BID: variants seen among roughly 807,000 people sequenced by gnomAD.
BID encodes BH3-interacting domain death agonist.
Under a neutral mutation model 17.4 loss-of-function variants are expected in BID, and 19 were observed. That is an observed-to-expected ratio of 1.09 (90% CI 0.76 to 1.60). BID has a LOEUF of 1.60. Ranked by LOEUF, BID falls within the 40% of genes most tolerant of loss-of-function variation. BID has a pLI of 0.00. For missense variants in BID, 226 were observed against 256.0 expected, an observed-to-expected ratio of 0.88 and a Z score of 0.80; for synonymous variants, 108 against 102.8, an observed-to-expected ratio of 1.05 and a Z score of -0.31.
At position 17,750,138 on chromosome 22, in the gene BID, C is replaced by G. The variant is rs1365420628; in HGVS notation, c.-22G>C. The G allele has an allele frequency of 6.2e-7, 1 of 1,613,344 alleles. No individual in the cohort carries two copies. The highest frequency in any genetic ancestry group is 8.5e-7 in the Non-Finnish European group (1 of 1,179,922). ...CCATGGCCTGGGCAGCGCGGCAGCT[C>G]CGACTCACTCCTGGTTCACAGTGTC... On this transcript the variant is annotated 5_prime_UTR_variant, in exon 2 of 6. Coordinates refer to ENST00000622694, the MANE Select transcript of BID (RefSeq NM_001196.4).
At position 17,773,741 on chromosome 22, in the gene BID, GC is replaced by G. The variant is rs1408401767; in HGVS notation, c.-59+639del. Reference sequence around the variant, plus strand: ...CCCTTGCCAGCCCAGCCACTTGGTGGCTGAGGGCTTCAGAGCTCTCCCAGGG... The same window carrying G: ...CCCTTGCCAGCCCAGCCACTTGGTGGTGAGGGCTTCAGAGCTCTCCCAGGG... On this transcript the variant is annotated intron_variant, in intron 1 of 5. Coordinates refer to ENST00000622694, the MANE Select transcript of BID (RefSeq NM_001196.4). This position sits in a 1 kb window ranked among gnomAD's most constrained non-coding sequence, Gnocchi z 4.4. 1.3e-6 allele frequency: 2 copies of G among 1,572,694 alleles called. No homozygotes were observed. The highest frequency in any genetic ancestry group is 2.7e-5 in the African/African-American group (2 of 74,026).
intron 1 of BID, among the ~76,000 whole-genome samples, chr22:17,768,516 CCTGGTGAGCCT>C (rs1037679629): frequency 3.9e-5 from 6 of 152,272 alleles, no homozygotes; most frequent in Non-Finnish European, 7.4e-5. Context: ...CTCCAGAATC[CCTGGTGAGCCT>C]CTGGTGAGCC....
At chr22:17,772,333 G>A (rs2061727586) in intron 1 of BID, among the ~76,000 whole-genome samples, 1 of 152,244 alleles carries the variant, frequency 6.6e-6, no homozygotes, top group Non-Finnish European at 1.5e-5. Flanking sequence ...GGCCCTGTGG[G>A]GTGGGCAGGG....
intron 2 of BID, among the ~76,000 whole-genome samples, chr22:17,744,369 C>T (rs549922946): frequency 2.0e-5 from 3 of 152,240 alleles, no homozygotes; most frequent in South Asian, 2.1e-4. Context: ...GGGCATCATC[C>T]GCCATCCTGT....
intron 2 of BID, among the ~76,000 whole-genome samples, chr22:17,744,827 G>A (rs1164973475): frequency 1.3e-5 from 2 of 152,220 alleles, no homozygotes; most frequent in Non-Finnish European, 2.9e-5. Flanking sequence ...GCCCAGACCA[G>A]AGAAAGACCT....
chr22:17,738,073 TTG>T lies in BID; in HGVS notation c.518_519del (p.Thr173AsnfsTer6). ...AGGTTCTGGTTAATAAAATTCACTG[TTG>T]TGTGAAAGACATCACGGAGCAAGGA... is the stretch of plus-strand genomic sequence containing the variant. ...TPSLLRDVFH[T>X]TVNFINQNLR... On this transcript the variant is annotated frameshift_variant, in exon 5 of 6. Transcript: ENST00000622694. LOFTEE classifies it high-confidence loss of function. 6.2e-7 allele frequency: 1 copy of T among 1,614,212 alleles called. No homozygotes were observed.
chr22:17,774,023 G>T, intron 1 of BID: 1 of 421,612 alleles, frequency 2.4e-6, no homozygotes, highest in South Asian at 2.4e-5. Context: ...TCTCCTCTCC[G>T]GGGCTGGCCT....
chr22:17,766,467 G>C (rs972442321), intron 1 of BID, among the ~76,000 whole-genome samples: 3 of 151,920 alleles, frequency 2.0e-5, no homozygotes, highest in Middle Eastern at 3.2e-3. Flanking sequence ...TTTTAGTAGA[G>C]AGGGGGTTTC....
At chr22:17,742,155 T>C (rs1412230977) in intron 3 of BID, among the ~76,000 whole-genome samples, 1 of 152,182 alleles carries the variant, frequency 6.6e-6, no homozygotes, top group African/African-American at 2.4e-5. Context: ...CTTTCCAGGC[T>C]CGCCAGGGAC....
At chr22:17,748,400 C>T (rs1266716994) in intron 2 of BID, among the ~76,000 whole-genome samples, 2 of 150,458 alleles carry the variant, frequency 1.3e-5, no homozygotes, top group Non-Finnish European at 3.0e-5. Flanking sequence ...CCCAGCTACT[C>T]GGGAGGCTGA....
At position 17,743,968 on chromosome 22, in the gene BID, G is replaced by A; in HGVS notation, c.58C>T (p.Leu20=). ...SLRDECITNL[L]VFGFLQSCSD... ...CAGCTTTGGAGGAAGCCAAACACCA[G>A]TAGGTTTGTGATGCACTCATCCCTG... The change falls in exon 3 of 6, where the codon CTG becomes TTG. Residue 20 remains leucine, a synonymous_variant. Coordinates refer to ENST00000622694, the MANE Select transcript of BID (RefSeq NM_001196.4). 1.2e-6 allele frequency: 2 copies of A among 1,614,068 alleles called. No individual in the cohort carries two copies. The highest frequency in any genetic ancestry group is 1.7e-6 in the Non-Finnish European group (2 of 1,180,032).
At chr22:17,749,137 G>C (rs770171699) in intron 2 of BID, among the ~76,000 whole-genome samples, 2 of 152,212 alleles carry the variant, frequency 1.3e-5, no homozygotes, top group Non-Finnish European at 2.9e-5. Context: ...CCTTCCCAGA[G>C]GCTGCCAGGA....
In BID at chr22:17,735,347, T is replaced by C. The variant is rs1260662847; in HGVS notation, c.*233A>G. ...TGTGCAGATTCATGTGTGGATGATA[T>C]GAAGGCCATTCAAATACGTGTAAAT... On this transcript the variant is annotated 3_prime_UTR_variant, in exon 6 of 6. Transcript: ENST00000622694. 1.8e-5 allele frequency: 10 copies of C among 560,072 alleles called. No homozygotes were observed. Among genetic ancestry groups the C allele is most frequent in the Middle Eastern group, 4.7e-4 (1 of 2,120 alleles). The allele number at this position is 560,072 out of a possible 1,614,324, so 34.7% of individuals were successfully genotyped here. A position where few individuals can be genotyped will look rare whatever the true frequency, so the allele number is the denominator to read the frequency against.
intron 1 of BID, among the ~76,000 whole-genome samples, chr22:17,756,470 TCTTTCTTTTCTTTCTTTC>T (rs1450479698): frequency 0.034 from 3,529 of 103,696 alleles, 57 homozygotes; most frequent in African/African-American, 0.069. Context: ...TTTCTTTCTT[TCTTTCTTTTCTTTCTTTC>T]TTTCTTTCTC....
Position 17,734,342 on chromosome 22 carries a change from AATC to A in BID, c.*1235_*1237del, listed in dbSNP as rs2061405435. ...AACAGGAAAGCATCTGGTAAGAAGA[AATC>A]ATGAGTCCGTCAGTGCCCTTACTCA... On this transcript the variant is annotated 3_prime_UTR_variant, in exon 6 of 6. Transcript: ENST00000622694. 1 of 152,258 alleles carries A rather than the reference AATC, an allele frequency of 6.6e-6. No individual in the cohort carries two copies. The highest frequency in any genetic ancestry group is 1.5e-5 in the Non-Finnish European group (1 of 68,060). 9.4% of individuals were successfully genotyped at this position (152,258 alleles called of 1,614,324 possible). A position where few individuals can be genotyped will look rare whatever the true frequency, so the allele number is the denominator to read the frequency against.
chr22:17,742,073 T>C (rs1179208018), intron 3 of BID, among the ~76,000 whole-genome samples: 1 of 152,236 alleles, frequency 6.6e-6, no homozygotes, highest in South Asian at 2.1e-4. Context: ...TCTTTCCTGA[T>C]CCGTCTGTGT....
Position 17,750,130 on chromosome 22 carries a change from C to T in BID, c.-14G>A, listed in dbSNP as rs565598962. 2.5e-6 allele frequency: 4 copies of T among 1,613,336 alleles called. No individual in the cohort carries two copies. Among genetic ancestry groups the T allele is most frequent in the East Asian group, 2.2e-5 (1 of 44,868 alleles). On this transcript the variant is annotated 5_prime_UTR_variant, in exon 2 of 6. Transcript: ENST00000622694. The stretch of plus-strand genomic sequence containing the variant: ...CTCACAGTCCATGGCCTGGGCAGCG[C>T]GGCAGCTCCGACTCACTCCTGGTTC...
intron 2 of BID, among the ~76,000 whole-genome samples, chr22:17,747,467 C>T (rs930427832): frequency 8.6e-5 from 13 of 151,974 alleles, no homozygotes; most frequent in Admixed American, 2.0e-4. Flanking sequence ...GTTACAGGCA[C>T]GTGCCACCAC....
chr22:17,736,241 A>T (rs2061418502), intron 5 of BID, among the ~76,000 whole-genome samples: 1 of 152,068 alleles, frequency 6.6e-6, no homozygotes, highest in Admixed American at 6.6e-5. Context: ...TGGGCGGATC[A>T]CCTGAGGTTG....
Sources: gnomAD v4.1 joint callset for allele counts (sites outside exome capture counted in the v4.1 genomes callset) on GRCh38, gnomAD v4.1.1 for gene constraint, Gnocchi (gnomAD v3.1) non-coding constraint, MANE v1.5 for transcripts, NCBI Gene and HGNC (gene_info 2026-07-23, HGNC 2026-07-21) for gene names.